Variants in NTM observed in about 807,000 individuals in gnomAD.
The protein encoded by NTM is neurotrimin.
In NTM, 13 loss-of-function variants were observed where a neutral mutation model predicts 42.1. The ratio of observed to expected loss-of-function variants is 0.31; its 90% CI spans 0.20 to 0.49. NTM has a LOEUF of 0.49. Ranked by LOEUF, NTM falls within the 20% of genes least tolerant of loss-of-function variation. The probability of loss-of-function intolerance (pLI) is 0.99; values close to 1 mark genes in which losing one functional copy is unlikely to be tolerated. For missense variants in NTM, 373 were observed against 452.8 expected, an observed-to-expected ratio of 0.82 and a Z score of 1.60; for synonymous variants, 187 against 179.2, an observed-to-expected ratio of 1.04 and a Z score of -0.35.
chr11:132,149,572 G>A (rs191426549), intron 3 of NTM, among the ~76,000 whole-genome samples: 68 of 152,272 alleles, frequency 4.5e-4, no homozygotes, highest in African/African-American at 1.4e-3. Flanking sequence ...TTCAGGTCTG[G>A]GGTATGTCTT....
intron 1 of NTM, among the ~76,000 whole-genome samples, chr11:131,394,219 T>C (rs1390996820): frequency 6.6e-6 from 1 of 152,128 alleles, no homozygotes; most frequent in East Asian, 1.9e-4. Flanking sequence ...GCTTGAAGCT[T>C]CTTTCTTTCT....
intron 2 of NTM, among the ~76,000 whole-genome samples, chr11:131,939,480 T>G (rs2059573290): frequency 6.6e-6 from 1 of 152,076 alleles, no homozygotes; most frequent in African/African-American, 2.4e-5. Context: ...TTGGTGTGTG[T>G]GTGCATACGT....
chr11:131,397,399 T>C (rs1165431419), intron 1 of NTM, among the ~76,000 whole-genome samples: 2 of 152,136 alleles, frequency 1.3e-5, no homozygotes, highest in African/African-American at 4.8e-5. Flanking sequence ...TATACAGGGG[T>C]AAACTGAGGC....
intron 2 of NTM, among the ~76,000 whole-genome samples, chr11:132,048,492 C>G (rs1053487333): frequency 1.3e-5 from 2 of 152,178 alleles, no homozygotes; most frequent in African/African-American, 4.8e-5. Context: ...TTGTGTTCAC[C>G]TCTGGAAACA....
intron 1 of NTM, among the ~76,000 whole-genome samples, chr11:131,741,019 A>G (rs903062580): frequency 2.6e-5 from 4 of 151,950 alleles, no homozygotes; most frequent in Non-Finnish European, 5.9e-5. Context: ...AGAAAAATTA[A>G]CCGGGCATGG....
At position 131,911,306 on chromosome 11, in the gene NTM, G is replaced by A. The variant is rs899819830; in HGVS notation, c.83-258G>A. The A allele has an allele frequency of 4.2e-6, 6 of 1,440,610 alleles. No individual in the cohort carries two copies. The African/African-American group carries it at 5.7e-5, about 14-fold the overall frequency. 89.2% of individuals were successfully genotyped at this position (1,440,610 alleles called of 1,614,324 possible). On this transcript the variant is annotated intron_variant, in intron 1 of 8. Coordinates refer to ENST00000683400, the MANE Select transcript of NTM (RefSeq NM_001352005.2). The stretch of plus-strand genomic sequence containing the variant: ...GCAAAAGCCGAGGCTGGATTTGGGG[G>A]AGGAATATTAGACTCGGAGGAGTCT...
At chr11:131,532,867 CT>C (rs903306545) in intron 1 of NTM, among the ~76,000 whole-genome samples, 1 of 151,792 alleles carries the variant, frequency 6.6e-6, no homozygotes, top group Non-Finnish European at 1.5e-5. Context: ...TGGTATGTAT[CT>C]TTTTTGGAGA....
At chr11:132,241,010 T>A (rs1038597825) in intron 4 of NTM, among the ~76,000 whole-genome samples, 2 of 152,212 alleles carry the variant, frequency 1.3e-5, no homozygotes, top group Non-Finnish European at 2.9e-5. Context: ...CAGCCAAAAC[T>A]TTGTTTCACA....
chr11:131,623,871 A>C (rs558405437), intron 1 of NTM, among the ~76,000 whole-genome samples: 57 of 152,350 alleles, frequency 3.7e-4, no homozygotes, highest in African/African-American at 1.3e-3. Context: ...TTAGCCAAGG[A>C]AAAACCTCGG....
At chr11:131,642,823 A>G (rs1045125923) in intron 1 of NTM, among the ~76,000 whole-genome samples, 1 of 152,066 alleles carries the variant, frequency 6.6e-6, no homozygotes, top group Non-Finnish European at 1.5e-5. Flanking sequence ...CATCTATCCA[A>G]TTATCGTCCT....
At chr11:132,096,602 A>G (rs1460327423) in intron 2 of NTM, among the ~76,000 whole-genome samples, 1 of 152,220 alleles carries the variant, frequency 6.6e-6, no homozygotes, top group Non-Finnish European at 1.5e-5. Flanking sequence ...ACAAGGCACA[A>G]TTCTGCAGTC....
At chr11:132,134,747 A>ATATC (rs1555277590) in intron 2 of NTM, among the ~76,000 whole-genome samples, 25 of 89,662 alleles carry the variant, frequency 2.8e-4, no homozygotes, top group African/African-American at 1.3e-3. Context: ...ATATATATAT[A>ATATC]TATATATATA....
rs991476039 is a variant in NTM, at chr11:131,454,467, G to A, written c.82+83579G>A. 1.4e-3 allele frequency among the ~76,000 whole-genome samples: 217 copies of A among 152,172 alleles called. 3 individuals carry two copies. Among genetic ancestry groups the A allele is most frequent in the Admixed American group, 0.012 (185 of 15,286 alleles). ...AAGGCCACGTGTGGCAATGGCAGGC[G>A]TCCCCCAACACACCTTTACCCACTT... On this transcript the variant is annotated intron_variant, in intron 1 of 8. Transcript: ENST00000683400.
At chr11:131,578,990 C>T (rs193025481) in intron 1 of NTM, among the ~76,000 whole-genome samples, 23 of 152,222 alleles carry the variant, frequency 1.5e-4, no homozygotes, top group African/African-American at 4.1e-4. Flanking sequence ...TGGAGGAAAC[C>T]GGACTTGGGG....
chr11:131,407,775 C>T (rs749696884), intron 1 of NTM, among the ~76,000 whole-genome samples: 10 of 152,204 alleles, frequency 6.6e-5, no homozygotes, highest in Non-Finnish European at 1.5e-4. Context: ...CCAGGGCTGG[C>T]TCCCGGGCAG....
Position 131,946,435 on chromosome 11 carries a change from G to A in NTM, c.167+34787G>A, listed in dbSNP as rs115010273. On this transcript the variant is annotated intron_variant, in intron 2 of 8. Coordinates refer to ENST00000683400, the MANE Select transcript of NTM (RefSeq NM_001352005.2). ...AATAGGCCATTTCCTGATCTTTGCC[G>A]CTCTCAAAATAAAAAGAAAATGTAA... is the stretch of plus-strand genomic sequence containing the variant. 5.2e-3 allele frequency among the ~76,000 whole-genome samples: 797 copies of A among 152,128 alleles called. 3 individuals carry two copies. Among genetic ancestry groups the A allele is most frequent in the African/African-American group, 0.017 (723 of 41,506 alleles).
chr11:131,662,838 C>T (rs1429063045), intron 1 of NTM, among the ~76,000 whole-genome samples: 1 of 151,998 alleles, frequency 6.6e-6, no homozygotes, highest in African/African-American at 2.4e-5. Context: ...GCTGAGGGGC[C>T]CAGCTTATTG....
chr11:131,462,489 TAAG>T (rs1951475198), intron 1 of NTM, among the ~76,000 whole-genome samples: 1 of 152,214 alleles, frequency 6.6e-6, no homozygotes, highest in African/African-American at 2.4e-5. Context: ...GTCAGCCTTA[TAAG>T]AAGGAAGGAT....
intron 1 of NTM, among the ~76,000 whole-genome samples, chr11:131,885,523 T>C (rs963502590): frequency 6.6e-6 from 1 of 151,914 alleles, no homozygotes; most frequent in African/African-American, 2.4e-5. Flanking sequence ...GCTAATAGCA[T>C]CCCACGCTCT....
Sources: gnomAD v4.1 joint callset for allele counts (sites outside exome capture counted in the v4.1 genomes callset) on GRCh38, gnomAD v4.1.1 for gene constraint, MANE v1.5 for transcripts, NCBI Gene and HGNC (gene_info 2026-07-23, HGNC 2026-07-21) for gene names.